The following MINK1 variants were observed in gnomAD, a reference collection of about 807,000 sequenced individuals.
MINK1 encodes the protein misshapen like kinase 1.
A neutral mutation model predicts 178.4 loss-of-function variants in MINK1; 46 were observed. The observed-to-expected ratio is 0.26, with a 90% confidence interval of 0.20 to 0.33. The LOEUF (loss-of-function observed/expected upper bound fraction) is 0.33. MINK1 is among the 10% of genes least tolerant of loss of function. The pLI is 1.00. For synonymous variants in MINK1, 797 were observed against 709.7 expected, an observed-to-expected ratio of 1.12 and a Z score of -1.96; for missense variants, 1,366 against 1,814.9, an observed-to-expected ratio of 0.75 and a Z score of 4.49.
intron 1 of MINK1, among the ~76,000 whole-genome samples, chr17:4,872,381 G>A (rs556146606): frequency 3.1e-4 from 47 of 151,234 alleles, no homozygotes; most frequent in African/African-American, 1.1e-3. Context: ...CCTCACCCCT[G>A]TAATCCCAGC....
intron 12 of MINK1, among the ~76,000 whole-genome samples, chr17:4,888,854 C>T (rs1188735243): frequency 6.6e-6 from 1 of 151,912 alleles, no homozygotes; most frequent in Non-Finnish European, 1.5e-5. Flanking sequence ...TGCGCCACCA[C>T]GCCCGGCTAA....
In MINK1 at chr17:4,895,842, T is replaced by G; in HGVS notation, c.3364+10T>G. On this transcript the variant is annotated intron_variant, in intron 27 of 31. Coordinates refer to ENST00000355280, the MANE Select transcript of MINK1 (RefSeq NM_153827.5). The surrounding 1 kb of genome is among the most constrained non-coding windows in gnomAD (Gnocchi z 4.3). ...GGGCACTACCGTGTTGGTGAGGATGTCCCAACAGAGTGGCCAGCGCATACT... is the reference window on the plus strand; with the variant it reads ...GGGCACTACCGTGTTGGTGAGGATGGCCCAACAGAGTGGCCAGCGCATACT... The G allele has an allele frequency of 6.2e-7, 1 of 1,612,770 alleles. No homozygotes were observed. Among genetic ancestry groups the G allele is most frequent in the Non-Finnish European group, 8.5e-7 (1 of 1,179,284 alleles).
intron 1 of MINK1, among the ~76,000 whole-genome samples, chr17:4,872,248 T>A (rs1165448454): frequency 6.6e-6 from 1 of 151,760 alleles, no homozygotes; most frequent in East Asian, 1.9e-4. Flanking sequence ...GAGAATCACT[T>A]GAACCCAGGA....
chr17:4,895,310 C>T lies in MINK1; in HGVS notation c.3086-40C>T. The T allele has an allele frequency of 4.4e-6, 7 of 1,605,328 alleles. No individual in the cohort carries two copies. The South Asian group carries it at 6.7e-5, about 15-fold the overall frequency. Reference sequence around the variant, plus strand: ...CTTGTGCTCCTGGTTAGGTGAGGGCCTGGCTGAGCCTCTGACCTGCCCAAG... The same window carrying T: ...CTTGTGCTCCTGGTTAGGTGAGGGCTTGGCTGAGCCTCTGACCTGCCCAAG... On this transcript the variant is annotated intron_variant, in intron 25 of 31. Transcript: ENST00000355280. The surrounding 1 kb of genome is among the most constrained non-coding windows in gnomAD (Gnocchi z 4.3).
At chr17:4,865,483 G>A (rs1914817851) in intron 1 of MINK1, among the ~76,000 whole-genome samples, 1 of 151,818 alleles carries the variant, frequency 6.6e-6, no homozygotes, top group South Asian at 2.1e-4. Context: ...GACTAGAGGG[G>A]GAAAGTTTCA....
Position 4,894,753 on chromosome 17 carries a change from C to A in MINK1, c.2917+120C>A. 1 of 783,414 alleles carries A rather than the reference C, an allele frequency of 1.3e-6. No homozygotes were observed. The highest frequency in any genetic ancestry group is 1.6e-5 in the South Asian group (1 of 61,768). 48.5% of individuals were successfully genotyped at this position (783,414 alleles called of 1,614,324 possible). On this transcript the variant is annotated intron_variant, in intron 24 of 31. Coordinates refer to ENST00000355280, the MANE Select transcript of MINK1 (RefSeq NM_153827.5). This position sits in a 1 kb window ranked among gnomAD's most constrained non-coding sequence, Gnocchi z 4.1. ...AGCCACAGGACCTCTCCCTTGGGCC[C>A]TAGCACCTGCCTGGGCACAGAGGCA...
At chr17:4,866,611 A>T (rs1466750664) in intron 1 of MINK1, among the ~76,000 whole-genome samples, 4 of 11,170 alleles carry the variant, frequency 3.6e-4, no homozygotes, top group Non-Finnish European at 2.4e-3. Context: ...GATTCTACCA[A>T]AAAAAAAAAA....
At chr17:4,848,367 G>C (rs774304662) in intron 1 of MINK1, among the ~76,000 whole-genome samples, 1 of 152,084 alleles carries the variant, frequency 6.6e-6, no homozygotes, top group Non-Finnish European at 1.5e-5. Context: ...TCAGTGTTTG[G>C]GGGTATTTTT....
In MINK1 at chr17:4,891,073, C is replaced by T. The variant is rs1050998622; in HGVS notation, c.1689C>T (p.Ser563=). ...QASPGPPGPL[S]QTPPMQRPVE... is the part of the protein sequence containing the mutation. Reference sequence around the variant, plus strand: ...CCCCAGGGCCCCCAGGACCCCTTTCCCAGACTCCTCCTATGCAGAGGCCGG... The same window carrying T: ...CCCCAGGGCCCCCAGGACCCCTTTCTCAGACTCCTCCTATGCAGAGGCCGG... The change falls in exon 15 of 32, where the codon TCC becomes TCT. Residue 563 remains serine, a synonymous_variant. Coordinates refer to ENST00000355280, the MANE Select transcript of MINK1 (RefSeq NM_153827.5). 35 of 1,553,296 alleles carry T rather than the reference C, an allele frequency of 2.3e-5. No homozygotes were observed. The highest frequency in any genetic ancestry group is 3.0e-5 in the Non-Finnish European group (34 of 1,148,742).
Position 4,885,731 on chromosome 17 carries a change from G to A in MINK1, c.639+118G>A. 1 of 1,467,764 alleles carries A rather than the reference G, an allele frequency of 6.8e-7. No homozygotes were observed. The highest frequency in any genetic ancestry group is 9.3e-7 in the Non-Finnish European group (1 of 1,075,518). The allele number at this position is 1,467,764 out of a possible 1,614,324, so 90.9% of individuals were successfully genotyped here. A position where few individuals can be genotyped will look rare whatever the true frequency, so the allele number is the denominator to read the frequency against. On this transcript the variant is annotated intron_variant, in intron 7 of 31. Coordinates refer to ENST00000355280, the MANE Select transcript of MINK1 (RefSeq NM_153827.5). The surrounding 1 kb of genome is among the most constrained non-coding windows in gnomAD (Gnocchi z 5.0). ...GGTCAGATGATGTTAGCAGTGAGGG[G>A]CTGGGGAACATCTTACGGCAAGGCA...
intron 1 of MINK1, among the ~76,000 whole-genome samples, chr17:4,852,012 A>G (rs1891167358): frequency 6.6e-6 from 1 of 151,192 alleles, no homozygotes; most frequent in South Asian, 2.1e-4. Flanking sequence ...AAAAAAAAAA[A>G]AAAAAAAAAA....
chr17:4,897,488 C>G lies in MINK1; in HGVS notation c.*201C>G. Reference sequence around the variant, plus strand: ...CCTCTTCCCCAACATGTCCTCTTCCCAAAACTGTGCCTGTCCCCAGCTTCT... The same window carrying G: ...CCTCTTCCCCAACATGTCCTCTTCCGAAAACTGTGCCTGTCCCCAGCTTCT... On this transcript the variant is annotated 3_prime_UTR_variant, in exon 32 of 32. Transcript: ENST00000355280. 1.8e-6 allele frequency: 1 copy of G among 555,500 alleles called. No homozygotes were observed. The highest frequency in any genetic ancestry group is 2.2e-5 in the South Asian group (1 of 44,812). The allele number at this position is 555,500 out of a possible 1,614,324, so 34.4% of individuals were successfully genotyped here.
Position 4,895,626 on chromosome 17 carries a change from G to T in MINK1, c.3230-72G>T. On this transcript the variant is annotated intron_variant, in intron 26 of 31. Transcript: ENST00000355280. The surrounding 1 kb of genome is among the most constrained non-coding windows in gnomAD (Gnocchi z 4.3). Reference sequence around the variant, plus strand: ...TCACCCCTTGTGGTATGCTGACAGAGGAGGCCAGGGCGGTGGCATTCGGGC... The same window carrying T: ...TCACCCCTTGTGGTATGCTGACAGATGAGGCCAGGGCGGTGGCATTCGGGC... 6.3e-7 allele frequency: 1 copy of T among 1,578,670 alleles called. No homozygotes were observed. The highest frequency in any genetic ancestry group is 8.6e-7 in the Non-Finnish European group (1 of 1,159,456).
chr17:4,833,391 T>C lies in MINK1; in HGVS notation c.-193T>C, dbSNP rs1383106446. 2 of 513,412 alleles carry C rather than the reference T, an allele frequency of 3.9e-6. 1 individual carries two copies. The highest frequency in any genetic ancestry group is 4.7e-5 in the South Asian group (2 of 42,216). The allele number at this position is 513,412 out of a possible 1,614,324, so 31.8% of individuals were successfully genotyped here. Reference sequence around the variant, plus strand: ...AGGAGAGGTGGTAGGCTCGGGTGGCTGGCTCCGGGGAGATAGCGCCTGTCA... The same window carrying C: ...AGGAGAGGTGGTAGGCTCGGGTGGCCGGCTCCGGGGAGATAGCGCCTGTCA... On this transcript the variant is annotated 5_prime_UTR_variant, in exon 1 of 32. Coordinates refer to ENST00000355280, the MANE Select transcript of MINK1 (RefSeq NM_153827.5). This position sits in a 1 kb window ranked among gnomAD's most constrained non-coding sequence, Gnocchi z 4.8.
intron 15 of MINK1, 25 bp downstream of exon 15, chr17:4,891,149 TA>T: frequency 6.7e-7 from 1 of 1,483,502 alleles, no homozygotes; most frequent in Non-Finnish European, 9.0e-7. Flanking sequence ...ACCCCTGTCT[TA>T]ATGAAGACAC....
At position 4,892,192 on chromosome 17, in the gene MINK1, G is replaced by A. The variant is rs1238951034; in HGVS notation, c.2045G>A (p.Ser682Asn). The A allele has an allele frequency of 1.2e-6, 2 of 1,600,730 alleles. No individual in the cohort carries two copies. The highest frequency in any genetic ancestry group is 1.7e-6 in the Non-Finnish European group (2 of 1,174,602). The change falls in exon 17 of 32, where the codon AGT (serine) becomes AAT (asparagine). Residue 682 changes from serine to asparagine, a missense_variant. Ser to Asn is a conservative substitution (Grantham distance 46). Around this residue, in one of 14 missense-constraint regions of MINK1, gnomAD observed 709 missense variants for 692.3 expected, o/e 1.02. Coordinates refer to ENST00000355280, the MANE Select transcript of MINK1 (RefSeq NM_153827.5). ...TCTATCGCCACTGCCCTTAACACCA[G>A]TGGGGCCGGAGGGTCCCGGCCAGCC... is the stretch of plus-strand genomic sequence containing the variant. ...TSSIATALNT[S>N]GAGGSRPAQA... is the part of the protein sequence containing the mutation.
intron 1 of MINK1, chr17:4,861,546 G>C (rs954725715): frequency 3.0e-5 from 5 of 167,754 alleles, no homozygotes; most frequent in African/African-American, 1.2e-4. Context: ...TGTTGCCCAA[G>C]GTGGATTGCA....
At chr17:4,843,837 C>A (rs1910606306) in intron 1 of MINK1, among the ~76,000 whole-genome samples, 1 of 152,274 alleles carries the variant, frequency 6.6e-6, no homozygotes, top group Admixed American at 6.5e-5. Flanking sequence ...CACATTCAGA[C>A]TCAAGTCTGA....
chr17:4,867,299 G>A (rs1915177405), intron 1 of MINK1, among the ~76,000 whole-genome samples: 1 of 148,414 alleles, frequency 6.7e-6, no homozygotes, highest in Non-Finnish European at 1.5e-5. Flanking sequence ...TAATCTCAGG[G>A]TTACAGGTAT....
Sources: gnomAD v4.1 joint callset for allele counts (sites outside exome capture counted in the v4.1 genomes callset) on GRCh38, gnomAD v4.1.1 for gene constraint, gnomAD v4.1.1 regional missense constraint, Gnocchi (gnomAD v3.1) non-coding constraint, MANE v1.5 for transcripts, NCBI Gene and HGNC (gene_info 2026-07-23, HGNC 2026-07-21) for gene names.